PLS1: variants seen among roughly 807,000 people sequenced by gnomAD.
The protein encoded by PLS1 is plastin 1.
A neutral mutation model predicts 73.7 loss-of-function variants in PLS1; 32 were observed. The observed-to-expected ratio is 0.43, with a 90% CI of 0.33 to 0.58. PLS1 has a LOEUF of 0.58. Among genes scored for constraint, PLS1 ranks in the 20% least tolerant of loss-of-function variants. The pLI is 0.04. For synonymous variants in PLS1, 217 were observed against 261.3 expected (o/e 0.83, Z 1.63); for missense variants, 633 against 740.5 (o/e 0.85, Z 1.68).
chr3:142,609,289 T>G (rs529608129), intron 1 of PLS1, among the ~76,000 whole-genome samples: 1 of 152,382 alleles, frequency 6.6e-6, no homozygotes, highest in South Asian at 2.1e-4. Flanking sequence ...CATGTAAATG[T>G]CAGTGTTTAT....
chr3:142,597,353 G>A (rs1242267643), intron 1 of PLS1: 2 of 152,130 alleles, frequency 1.3e-5, no homozygotes, highest in Non-Finnish European at 2.9e-5. Context: ...CTTGAAGCAA[G>A]TACTTTTACA....
chr3:142,668,408 C>T (rs1446723954), intron 2 of PLS1, among the ~76,000 whole-genome samples: 6 of 152,078 alleles, frequency 3.9e-5, no homozygotes, highest in Non-Finnish European at 7.4e-5. Flanking sequence ...AATGAAGAAG[C>T]AATGAATTAT....
chr3:142,657,803 TGAG>T (rs2037275061), intron 1 of PLS1, among the ~76,000 whole-genome samples: 1 of 152,160 alleles, frequency 6.6e-6, no homozygotes, highest in South Asian at 2.1e-4. Context: ...TTGCTTTAAT[TGAG>T]GAGGAAAAAG....
rs1346319097 is a variant in PLS1, at chr3:142,649,097, G to GC, written c.-36-15103dup. On this transcript the variant is annotated intron_variant, in intron 1 of 15. Transcript: ENST00000457734. ...TATGTCATTGCAGCTAGATTGCCCT[G>GC]CCTTGCCTCATGTCAGAAAGACCTG... 8.6e-4 allele frequency among the ~76,000 whole-genome samples: 131 copies of GC among 152,164 alleles called. 1 individual carries two copies. The highest frequency in any genetic ancestry group is 8.8e-5 in the Non-Finnish European group (6 of 68,010).
In PLS1 at chr3:142,643,715, A is replaced by C. The variant is rs1033387820; in HGVS notation, c.-36-20487A>C. ...GCTAACTTTGATTTAGTTTAGGAAAATAAGGAACATAATCTGGGAGTTATA... is the reference window on the plus strand; with the variant it reads ...GCTAACTTTGATTTAGTTTAGGAAACTAAGGAACATAATCTGGGAGTTATA... On this transcript the variant is annotated intron_variant, in intron 1 of 15. Coordinates refer to ENST00000457734, the MANE Select transcript of PLS1 (RefSeq NM_001145319.2). 2.6e-5 allele frequency among the ~76,000 whole-genome samples: 4 copies of C among 152,230 alleles called. No individual in the cohort carries two copies. In the South Asian group the frequency reaches 6.2e-4, roughly 24 times the overall value.
At chr3:142,674,714 G>A (rs1343167597) in intron 4 of PLS1, among the ~76,000 whole-genome samples, 1 of 152,004 alleles carries the variant, frequency 6.6e-6, no homozygotes, top group African/African-American at 2.4e-5. Flanking sequence ...ATCTAGATTT[G>A]TGTCAATTTT....
intron 1 of PLS1, among the ~76,000 whole-genome samples, chr3:142,604,864 G>A (rs1577761282): frequency 6.6e-6 from 1 of 152,002 alleles, no homozygotes; most frequent in East Asian, 1.9e-4. Flanking sequence ...GAACCCGGGA[G>A]GCAGAGCTTG....
chr3:142,691,220 A>G (rs1479315109), intron 10 of PLS1, among the ~76,000 whole-genome samples: 1 of 152,186 alleles, frequency 6.6e-6, no homozygotes, highest in Non-Finnish European at 1.5e-5. Context: ...AAAGAATATG[A>G]GTAATTCATT....
chr3:142,644,700 C>T (rs756196957), intron 1 of PLS1, among the ~76,000 whole-genome samples: 8 of 152,060 alleles, frequency 5.3e-5, no homozygotes, highest in East Asian at 1.9e-4. Context: ...GGAGTGTTGA[C>T]GGGACTTTAT....
intron 1 of PLS1, among the ~76,000 whole-genome samples, chr3:142,648,134 C>T (rs1160987651): frequency 6.6e-6 from 1 of 152,084 alleles, no homozygotes; most frequent in African/African-American, 2.4e-5. Flanking sequence ...CTTAGATGTT[C>T]TCAATAAATC....
Position 142,704,572 on chromosome 3 carries a change from A to G in PLS1, c.1615A>G (p.Ile539Val). The change falls in exon 14 of 16, where the codon ATT becomes GTT. Residue 539 changes from isoleucine (I) to valine (V), a missense_variant. Transcript: ENST00000457734. ...TLKSANKKTSISSFKDKSIST... is the reference protein window; with the variant it reads ...TLKSANKKTSVSSFKDKSIST... ...TAAAAGTGCAAACAAAAAGACTTCTATTTCCAGCTTCAAGGTAATCAAGAG... is the reference window on the plus strand; with the variant it reads ...TAAAAGTGCAAACAAAAAGACTTCTGTTTCCAGCTTCAAGGTAATCAAGAG... The G allele has an allele frequency of 6.4e-7, 1 of 1,555,306 alleles. No individual in the cohort carries two copies. The highest frequency in any genetic ancestry group is 1.2e-5 in the South Asian group (1 of 85,832).
At chr3:142,702,366 A>C (rs542194260) in intron 12 of PLS1, among the ~76,000 whole-genome samples, 3 of 152,342 alleles carry the variant, frequency 2.0e-5, no homozygotes, top group South Asian at 4.1e-4. Flanking sequence ...CTCTTTTTTA[A>C]GAACAATAAC....
intron 1 of PLS1, among the ~76,000 whole-genome samples, chr3:142,644,127 C>G (rs6774039): frequency 9.0e-4 from 137 of 152,076 alleles, no homozygotes; most frequent in African/African-American, 3.1e-3. Context: ...TGCATCTGAC[C>G]TCTTCTTTTA....
At chr3:142,626,609 T>C (rs1420490840) in intron 1 of PLS1, among the ~76,000 whole-genome samples, 1 of 152,218 alleles carries the variant, frequency 6.6e-6, no homozygotes, top group East Asian at 1.9e-4. Context: ...TATAAAGTTG[T>C]ATTTTATATA....
intron 1 of PLS1, among the ~76,000 whole-genome samples, chr3:142,648,000 T>A (rs2036996389): frequency 6.6e-6 from 1 of 152,180 alleles, no homozygotes; most frequent in Admixed American, 6.5e-5. Flanking sequence ...AAGGGAGTCA[T>A]GTGTTTGCCA....
At chr3:142,615,906 A>G (rs779388946) in intron 1 of PLS1, among the ~76,000 whole-genome samples, 2 of 152,252 alleles carry the variant, frequency 1.3e-5, no homozygotes, top group Non-Finnish European at 1.5e-5. Flanking sequence ...CTTACTAGAC[A>G]TGCAGACTTT....
chr3:142,598,147 A>T (rs982996373), intron 1 of PLS1, among the ~76,000 whole-genome samples: 3 of 152,144 alleles, frequency 2.0e-5, no homozygotes, highest in Non-Finnish European at 4.4e-5. Context: ...TATAGCACTT[A>T]CTACTGTTGT....
intron 6 of PLS1, among the ~76,000 whole-genome samples, chr3:142,681,804 G>T (rs1433037567): frequency 2.6e-5 from 4 of 152,080 alleles, no homozygotes; most frequent in African/African-American, 9.7e-5. Context: ...CTACTAACTG[G>T]TAGGGCAATA....
chr3:142,691,869 G>A (rs1036411388), intron 10 of PLS1, among the ~76,000 whole-genome samples: 4 of 152,138 alleles, frequency 2.6e-5, no homozygotes, highest in East Asian at 1.9e-4. Flanking sequence ...AATATTAAAC[G>A]CTCACATCAA....
Sources: gnomAD v4.1 joint callset for allele counts (sites outside exome capture counted in the v4.1 genomes callset) on GRCh38, gnomAD v4.1.1 for gene constraint, MANE v1.5 for transcripts, NCBI Gene and HGNC (gene_info 2026-07-23, HGNC 2026-07-21) for gene names.